SLC26A7: variants seen among roughly 807,000 people sequenced by gnomAD.
SLC26A7 encodes solute carrier family 26 member 7, also known as anion exchange transporter.
Under a neutral mutation model 82.5 loss-of-function variants are expected in SLC26A7, and 59 were observed. That is an observed-to-expected ratio of 0.72 (90% confidence interval 0.58 to 0.89). The LOEUF is 0.89. SLC26A7 is among the 40% of genes least tolerant of loss of function. SLC26A7 has a pLI of 0.00. For missense variants in SLC26A7, 820 were observed against 793.0 expected, an observed-to-expected ratio of 1.03 and a Z score of -0.41; for synonymous variants, 271 against 274.3, an observed-to-expected ratio of 0.99 and a Z score of 0.12.
intron 2 of SLC26A7, among the ~76,000 whole-genome samples, chr8:91,236,873 C>T (rs992681665): frequency 6.6e-6 from 1 of 152,178 alleles, no homozygotes; most frequent in African/African-American, 2.4e-5. Context: ...AACCTCTACT[C>T]CCAGGGCCAT....
chr8:91,307,652 G>T (rs1812352808), intron 4 of SLC26A7, among the ~76,000 whole-genome samples: 1 of 113,786 alleles, frequency 8.8e-6, no homozygotes, highest in Admixed American at 9.3e-5. Context: ...ACTGTTGTGG[G>T]GTGGGGGGAG....
intron 9 of SLC26A7, among the ~76,000 whole-genome samples, chr8:91,350,474 A>G (rs1370381180): frequency 6.6e-6 from 1 of 151,978 alleles, no homozygotes; most frequent in Non-Finnish European, 1.5e-5. Context: ...TAAAATCAAG[A>G]TATAGAATAT....
chr8:91,351,708 A>G (rs1376936472), intron 9 of SLC26A7, 102 bp from the exon 10 acceptor site: 1 of 770,192 alleles, frequency 1.3e-6, no homozygotes, highest in Non-Finnish European at 2.2e-6. Context: ...TACTTCTTCT[A>G]ATCAAGATAA....
At chr8:91,228,644 AGT>A (rs75903866) in intron 2 of SLC26A7, among the ~76,000 whole-genome samples, 7,866 of 152,184 alleles carry the variant, frequency 0.052, 247 homozygotes, top group African/African-American at 0.079. Context: ...GAAGAAAGTG[AGT>A]GTATTGGAAA....
chr8:91,366,428 G>T, intron 13 of SLC26A7, 152 bp from the exon 14 acceptor site: 1 of 755,854 alleles, frequency 1.3e-6, no homozygotes, highest in East Asian at 2.8e-5. Flanking sequence ...CCCTAAGGAA[G>T]TGTGATAGTA....
At chr8:91,229,759 A>G (rs1353487658) in intron 2 of SLC26A7, among the ~76,000 whole-genome samples, 2 of 152,186 alleles carry the variant, frequency 1.3e-5, no homozygotes, top group African/African-American at 2.4e-5. Flanking sequence ...AAATGTTCTC[A>G]TGTCCCTTCC....
intron 2 of SLC26A7, among the ~76,000 whole-genome samples, chr8:91,251,799 A>G (rs759343886): frequency 8.5e-5 from 13 of 152,122 alleles, no homozygotes; most frequent in Admixed American, 3.3e-4. Context: ...TTTTCACTTT[A>G]TAGTCTACAC....
chr8:91,293,050 T>C (rs139885218), intron 3 of SLC26A7, among the ~76,000 whole-genome samples: 18 of 152,226 alleles, frequency 1.2e-4, no homozygotes, highest in Non-Finnish European at 2.2e-4. Context: ...TTTTTTAAAA[T>C]ATGAAATCTC....
At chr8:91,382,688 T>C (rs1041820423) in intron 15 of SLC26A7, among the ~76,000 whole-genome samples, 2 of 152,182 alleles carry the variant, frequency 1.3e-5, no homozygotes, top group Non-Finnish European at 2.9e-5. Context: ...ATTGCCTATA[T>C]GGTTATAGAG....
At chr8:91,320,123 C>T (rs1812750236) in intron 5 of SLC26A7, among the ~76,000 whole-genome samples, 1 of 152,012 alleles carries the variant, frequency 6.6e-6, no homozygotes. Context: ...AGTACAGTGG[C>T]ATGATCTTGG....
chr8:91,357,211 T>C (rs1436960308), intron 11 of SLC26A7: 1 of 152,228 alleles, frequency 6.6e-6, no homozygotes, highest in Non-Finnish European at 1.5e-5. Context: ...GATTATTGCA[T>C]AGAATTTTCA....
Position 91,249,691 on chromosome 8 carries a change from A to G in SLC26A7, c.40A>G (p.Ser14Gly). The change falls in exon 2 of 19, where the codon AGC (serine) becomes GGC (glycine). Residue 14 changes from serine to glycine, a missense_variant. By Grantham distance (56) the Ser-to-Gly change is moderately conservative. Coordinates refer to ENST00000276609, the MANE Select transcript of SLC26A7 (RefSeq NM_052832.4). ...AKRKKKSMLW[S>G]KMHTPQCEDI... Reference sequence around the variant, plus strand: ...GAGGAAAAAGAAAAGCATGCTTTGGAGCAAGATGCATACCCCCCAGTGTGA... The same window carrying G: ...GAGGAAAAAGAAAAGCATGCTTTGGGGCAAGATGCATACCCCCCAGTGTGA... The G allele has an allele frequency of 6.4e-7, 1 of 1,570,470 alleles. No homozygotes were observed. The highest frequency in any genetic ancestry group is 8.6e-7 in the Non-Finnish European group (1 of 1,162,088).
At chr8:91,386,410 A>T (rs1814800348) in intron 15 of SLC26A7, among the ~76,000 whole-genome samples, 1 of 152,158 alleles carries the variant, frequency 6.6e-6, no homozygotes, top group South Asian at 2.1e-4. Context: ...TAGATTGCAG[A>T]TTATTTTGAA....
chr8:91,327,109 T>A (rs896898944), intron 5 of SLC26A7, among the ~76,000 whole-genome samples: 4 of 151,910 alleles, frequency 2.6e-5, no homozygotes, highest in African/African-American at 9.7e-5. Context: ...GAATGTAGAC[T>A]TTTTTTTGGT....
At chr8:91,287,540 T>G (rs925231268) in intron 2 of SLC26A7, among the ~76,000 whole-genome samples, 1 of 152,204 alleles carries the variant, frequency 6.6e-6, no homozygotes, top group African/African-American at 2.4e-5. Flanking sequence ...ATATGATTAA[T>G]CCAGGAGCTT....
At chr8:91,378,417 A>G (rs1270719737) in intron 15 of SLC26A7, among the ~76,000 whole-genome samples, 1 of 147,242 alleles carries the variant, frequency 6.8e-6, no homozygotes, top group East Asian at 1.9e-4. Flanking sequence ...GTATATATAA[A>G]TAATATATAT....
chr8:91,363,364 A>T, intron 12 of SLC26A7, 108 bp from the exon 13 acceptor site: 1 of 610,516 alleles, frequency 1.6e-6, no homozygotes, highest in Non-Finnish European at 2.9e-6. Flanking sequence ...TAGGATATAA[A>T]TCATCTCAGA....
At chr8:91,336,079 G>A (rs980120847) in intron 6 of SLC26A7, among the ~76,000 whole-genome samples, 19 of 152,136 alleles carry the variant, frequency 1.2e-4, no homozygotes, top group African/African-American at 4.6e-4. Context: ...CTTCCAGAAG[G>A]TGCCCTGCAA....
intron 2 of SLC26A7, among the ~76,000 whole-genome samples, chr8:91,260,942 A>T (rs1810946589): frequency 6.6e-6 from 1 of 152,112 alleles, no homozygotes; most frequent in South Asian, 2.1e-4. Flanking sequence ...GAATATATGT[A>T]AATTTACCCC....
Sources: allele counts gnomAD v4.1 joint callset (sites outside exome capture counted in the v4.1 genomes callset), GRCh38; gene constraint gnomAD v4.1.1; transcripts MANE v1.5; gene names NCBI Gene and HGNC (gene_info 2026-07-23, HGNC 2026-07-21).